NLRC3: variants seen among roughly 807,000 people sequenced by gnomAD.
NLRC3 encodes the protein NLR family CARD domain containing 3.
NLRC3 carries 87 observed loss-of-function variants against 91.6 expected under a neutral mutation model. The observed-to-expected ratio is 0.95, with a 90% confidence interval of 0.80 to 1.14. The LOEUF (loss-of-function observed/expected upper bound fraction) is 1.14, where lower values mean the gene tolerates loss of function less well. Among genes scored for constraint, NLRC3 ranks in the 50% most tolerant of loss-of-function variants. The probability of loss-of-function intolerance (pLI) is 0.00; values close to 1 mark genes in which losing one functional copy is unlikely to be tolerated. For synonymous variants in NLRC3, 694 were observed against 625.3 expected, an observed-to-expected ratio of 1.11 and a Z score of -1.64; for missense variants, 1,577 against 1,418.6, an observed-to-expected ratio of 1.11 and a Z score of -1.79.
At chr16:3,543,663 A>G (rs2038530641) in intron 16 of NLRC3, 155 bp from the exon 17 acceptor site, 2 of 624,240 alleles carry the variant, frequency 3.2e-6, no homozygotes, top group Non-Finnish European at 5.8e-6. Context: ...TCCATCTCCT[A>G]CCTACACTGT....
At chr16:3,562,793 C>G (rs2039668158) in intron 5 of NLRC3, 2 of 658,196 alleles carry the variant, frequency 3.0e-6, no homozygotes, top group East Asian at 2.7e-5. Context: ...CTATATGTTT[C>G]AGAGAGCGCA....
chr16:3,544,337 C>G lies in NLRC3; in HGVS notation c.2772-8G>C. 6.2e-7 allele frequency: 1 copy of G among 1,604,770 alleles called. No individual in the cohort carries two copies. Among genetic ancestry groups the G allele is most frequent in the Non-Finnish European group, 8.5e-7 (1 of 1,171,976 alleles). ...ATGGCGTTCTCCTGTAAACTAGACA[C>G]AGAGTATGACCCCTTTGGGTGCACG... On this transcript the variant is annotated splice_polypyrimidine_tract_variant and splice_region_variant and intron_variant, in intron 15 of 19. Coordinates refer to ENST00000359128, the MANE Select transcript of NLRC3 (RefSeq NM_178844.4).
chr16:3,570,214 A>G (rs1596493666), intron 1 of NLRC3, among the ~76,000 whole-genome samples: 1 of 151,848 alleles, frequency 6.6e-6, no homozygotes, highest in African/African-American at 2.4e-5. Flanking sequence ...CAAGTGATCC[A>G]CCCACCTCAG....
At chr16:3,553,329 T>A (rs1394236482) in intron 9 of NLRC3, among the ~76,000 whole-genome samples, 2 of 152,230 alleles carry the variant, frequency 1.3e-5, no homozygotes, top group African/African-American at 4.8e-5. Context: ...CTCTTTGAAA[T>A]GTAAACATTA....
intron 19 of NLRC3, 131 bp downstream of exon 19, chr16:3,542,060 C>G: frequency 2.5e-6 from 2 of 809,952 alleles, no homozygotes; most frequent in Non-Finnish European, 4.2e-6. Context: ...CAGGGTACCT[C>G]CCCTTAGACC....
intron 1 of NLRC3, among the ~76,000 whole-genome samples, chr16:3,571,544 T>TAA (rs77866901): frequency 7.4e-4 from 87 of 118,200 alleles, no homozygotes; most frequent in African/African-American, 2.3e-3. Flanking sequence ...ACCCTGGCTT[T>TAA]AAAAAAAAAA....
At chr16:3,570,664 G>C (rs1238935532) in intron 1 of NLRC3, among the ~76,000 whole-genome samples, 2 of 152,296 alleles carry the variant, frequency 1.3e-5, no homozygotes, top group African/African-American at 4.8e-5. Flanking sequence ...GGAGTAGAGA[G>C]GGTGAGAAAG....
At chr16:3,576,396 G>A (rs1027015216) in intron 1 of NLRC3, among the ~76,000 whole-genome samples, 5 of 152,158 alleles carry the variant, frequency 3.3e-5, no homozygotes, top group African/African-American at 4.8e-5. Context: ...TCATGACCTC[G>A]CCCCTCCTGT....
chr16:3,570,635 T>C (rs2040066272), intron 1 of NLRC3, among the ~76,000 whole-genome samples: 1 of 152,046 alleles, frequency 6.6e-6, no homozygotes, highest in African/African-American at 2.4e-5. Context: ...GTGAGAGGCC[T>C]CTGAGAAAAA....
chr16:3,549,253 C>G (rs1390276619), intron 12 of NLRC3, 28 bp from the exon 13 acceptor site: 2 of 1,520,974 alleles, frequency 1.3e-6, no homozygotes, highest in African/African-American at 1.4e-5. Flanking sequence ...ACCTGAGCTT[C>G]TGACCGGGCA....
intron 1 of NLRC3, among the ~76,000 whole-genome samples, chr16:3,570,091 G>T (rs1279083986): frequency 6.6e-6 from 1 of 152,152 alleles, no homozygotes; most frequent in African/African-American, 2.4e-5. Flanking sequence ...GGAAGTGGGA[G>T]TTGGGATAGA....
intron 10 of NLRC3, 113 bp from the exon 11 acceptor site, chr16:3,550,610 G>A (rs747308410): frequency 9.4e-6 from 7 of 744,804 alleles, no homozygotes; most frequent in Non-Finnish European, 1.7e-5. Flanking sequence ...GTTGTCTCAA[G>A]GGTGGCCAGT....
intron 16 of NLRC3, 178 bp from the exon 17 acceptor site, chr16:3,543,686 A>G (rs950526535): frequency 3.3e-6 from 2 of 599,680 alleles, no homozygotes; most frequent in Non-Finnish European, 6.0e-6. Context: ...GTTGCCTAAG[A>G]CAGAGATCTG....
chr16:3,540,485 C>T lies in NLRC3; in HGVS notation c.*1340G>A, dbSNP rs2038351913. On this transcript the variant is annotated 3_prime_UTR_variant, in exon 20 of 20. Transcript: ENST00000359128. The stretch of plus-strand genomic sequence containing the variant: ...GTCTCCATGGAAGCTGTGGCCACAG[C>T]AGTGGCTTTGGAAGCCTAGTAAGGA... The T allele has an allele frequency of 1.3e-5, 2 of 152,326 alleles. No individual in the cohort carries two copies. Among genetic ancestry groups the T allele is most frequent in the East Asian group, 3.9e-4 (2 of 5,186 alleles). 9.4% of individuals were successfully genotyped at this position (152,326 alleles called of 1,614,324 possible).
chr16:3,563,963 A>T lies in NLRC3; in HGVS notation c.974T>A (p.Met325Lys). ...CCTGCAGAAGGCTGGGACGGTGCAC[A>T]TCAGGTACAGGGCCCTGTCAGCCTG... The part of the protein sequence containing the change: ...QVQADRALYL[M>K]CTVPAFCRLT... The change falls in exon 5 of 20, where the codon ATG (methionine) becomes AAG (lysine). Residue 325 changes from methionine to lysine, a missense_variant. By Grantham distance (95) the Met-to-Lys change is moderately conservative. Transcript: ENST00000359128. 6.2e-7 allele frequency: 1 copy of T among 1,602,616 alleles called. No individual in the cohort carries two copies. Among genetic ancestry groups the T allele is most frequent in the Admixed American group, 1.7e-5 (1 of 59,564 alleles).
intron 12 of NLRC3, 50 bp downstream of exon 12, chr16:3,549,647 G>T: frequency 1.5e-6 from 2 of 1,345,364 alleles, no homozygotes; most frequent in South Asian, 1.3e-5. Flanking sequence ...CCTGCAGACA[G>T]GTGCCTCGTC....
At chr16:3,570,959 C>G (rs1434562154) in intron 1 of NLRC3, among the ~76,000 whole-genome samples, 1 of 152,014 alleles carries the variant, frequency 6.6e-6, no homozygotes, top group Non-Finnish European at 1.5e-5. Flanking sequence ...ATACAGTCTT[C>G]CATTTGTATT....
intron 8 of NLRC3, among the ~76,000 whole-genome samples, chr16:3,556,316 C>T (rs2039319453): frequency 4.1e-5 from 1 of 24,262 alleles, no homozygotes; most frequent in African/African-American, 1.7e-4. Flanking sequence ...AAGAATCCGT[C>T]TCAAAAAAAA....
intron 1 of NLRC3, among the ~76,000 whole-genome samples, chr16:3,573,819 C>A (rs955937388): frequency 4.6e-5 from 7 of 151,852 alleles, no homozygotes; most frequent in Admixed American, 1.3e-4. Flanking sequence ...CAGGGTCTTG[C>A]TTTGTCGCTA....
Sources: gnomAD v4.1 joint callset for allele counts (sites outside exome capture counted in the v4.1 genomes callset) on GRCh38, gnomAD v4.1.1 for gene constraint, MANE v1.5 for transcripts, NCBI Gene and HGNC (gene_info 2026-07-23, HGNC 2026-07-21) for gene names.